Variants in PHPT1 observed in about 807,000 individuals in gnomAD.
PHPT1 encodes the protein phosphohistidine phosphatase 1.
A neutral mutation model predicts 15.6 loss-of-function variants in PHPT1; 16 were observed. The ratio of observed to expected loss-of-function variants is 1.03; its 90% confidence interval spans 0.70 to 1.56. The LOEUF (loss-of-function observed/expected upper bound fraction) is 1.56. PHPT1 is among the 40% of genes most tolerant of loss of function. The pLI, the probability that PHPT1 is intolerant of heterozygous loss-of-function variation, is 0.00. For missense variants in PHPT1, 228 were observed against 171.0 expected (o/e 1.33, Z -1.86); for synonymous variants, 102 against 68.1 (o/e 1.50, Z -2.45).
Position 136,850,043 on chromosome 9 carries a change from T to G in PHPT1, c.191T>G (p.Met64Arg). ...ATCTACGACAAAGTGTCGGGCGACA[T>G]GCAGAAGCAAGGCTGCGACTGTGAG... The part of the protein sequence containing the change: ...ADIYDKVSGD[M>R]QKQGCDCECL... The change falls in exon 2 of 3, where the codon ATG becomes AGG. Residue 64 changes from methionine to arginine, a missense_variant. By Grantham distance (91) the Met-to-Arg change is moderately conservative (BLOSUM62 -1). Coordinates refer to ENST00000247665, the MANE Select transcript of PHPT1 (RefSeq NM_014172.6). 6.2e-7 allele frequency: 1 copy of G among 1,612,988 alleles called. No individual in the cohort carries two copies. Among genetic ancestry groups the G allele is most frequent in the Non-Finnish European group, 8.5e-7 (1 of 1,179,826 alleles).
chr9:136,849,963 G>C (rs1013571863), intron 1 of PHPT1, 50 bp from the exon 2 acceptor site: 1 of 1,572,982 alleles, frequency 6.4e-7, no homozygotes, highest in Admixed American at 1.8e-5. Context: ...TTCCTCCCGC[G>C]GCCTCCAAGG....
Position 136,850,031 on chromosome 9 carries a change from T to C in PHPT1, c.179T>C (p.Val60Ala), listed in dbSNP as rs1201646450. Reference protein sequence around the residue: ...AEYHADIYDKVSGDMQKQGCD... With the variant: ...AEYHADIYDKASGDMQKQGCD... ...ATCCCAGCGGACATCTACGACAAAG[T>C]GTCGGGCGACATGCAGAAGCAAGGC... Residue 60 changes from valine to alanine, a missense_variant, in exon 2 of 3, where the codon GTG (valine) becomes GCG (alanine). Transcript: ENST00000247665. 3 of 1,612,656 alleles carry C rather than the reference T, an allele frequency of 1.9e-6. No homozygotes were observed. The highest frequency in any genetic ancestry group is 2.5e-6 in the Non-Finnish European group (3 of 1,179,760).
chr9:136,850,569 G>A (rs1468729703), intron 2 of PHPT1, 186 bp from the exon 3 acceptor site: 2 of 1,610,326 alleles, frequency 1.2e-6, no homozygotes, highest in African/African-American at 2.7e-5. Context: ...AGGTTTGCTT[G>A]CCTGTGGAGG....
chr9:136,849,995 G>T lies in PHPT1; in HGVS notation c.161-18G>T. On this transcript the variant is annotated intron_variant, in intron 1 of 2. Transcript: ENST00000247665. The stretch of plus-strand genomic sequence containing the variant: ...AAGGGCGGCCAGGGCACGTCCTGAG[G>T]CCGCCCTCCCATCCCAGCGGACATC... The T allele has an allele frequency of 6.2e-7, 1 of 1,604,108 alleles. No homozygotes were observed. Among genetic ancestry groups the T allele is most frequent in the Non-Finnish European group, 8.5e-7 (1 of 1,174,522 alleles).
rs757785995 is a variant in PHPT1 at position 136,850,000 on chromosome 9, C to T, written c.161-13C>T. 8.1e-6 allele frequency: 13 copies of T among 1,606,584 alleles called. No individual in the cohort carries two copies. In the Admixed American group the frequency reaches 2.2e-4, roughly 27 times the overall value. ...CGGCCAGGGCACGTCCTGAGGCCGC[C>T]CTCCCATCCCAGCGGACATCTACGA... is the stretch of plus-strand genomic sequence containing the variant. On this transcript the variant is annotated splice_polypyrimidine_tract_variant and intron_variant, in intron 1 of 2. Coordinates refer to ENST00000247665, the MANE Select transcript of PHPT1 (RefSeq NM_014172.6).
In PHPT1 at chr9:136,849,460, T is replaced by G; in HGVS notation, c.30T>G (p.Pro10=). 6.2e-7 allele frequency: 1 copy of G among 1,610,812 alleles called. No individual in the cohort carries two copies. The highest frequency in any genetic ancestry group is 1.1e-5 in the South Asian group (1 of 90,742). Residue 10 remains proline, a synonymous_variant, in exon 1 of 3, where the codon CCT becomes CCG. Transcript: ENST00000247665. ...CGGTGGCGGACCTCGCTCTCATTCC[T>G]GATGTGGACATCGACTCCGACGGCG... MAVADLALI[P]DVDIDSDGVF...
chr9:136,849,834 C>T (rs1290407439), intron 1 of PHPT1, 179 bp from the exon 2 acceptor site: 2 of 756,238 alleles, frequency 2.6e-6, no homozygotes, highest in Non-Finnish European at 4.3e-6. Context: ...CCAGTTCCCG[C>T]GCCCTCCCCG....
intron 2 of PHPT1, 94 bp downstream of exon 2, chr9:136,850,231 G>A: frequency 6.5e-7 from 1 of 1,537,272 alleles, no homozygotes; most frequent in Non-Finnish European, 8.9e-7. Flanking sequence ...CCCCAGCTGA[G>A]CACGCAGGCT....
At position 136,849,436 on chromosome 9, in the gene PHPT1, G is replaced by T; in HGVS notation, c.6G>T (p.Ala2=). The change falls in exon 1 of 3, where the codon GCG becomes GCT. Residue 2 remains alanine, a synonymous_variant. Transcript: ENST00000247665. The stretch of plus-strand genomic sequence containing the variant: ...GGGACTCCGGGAGGAGGAACATGGC[G>T]GTGGCGGACCTCGCTCTCATTCCTG... M[A]VADLALIPDV... 1.3e-6 allele frequency: 2 copies of T among 1,599,212 alleles called. No homozygotes were observed. Among genetic ancestry groups the T allele is most frequent in the South Asian group, 1.1e-5 (1 of 89,574 alleles).
rs967183779 is a variant in PHPT1 at position 136,849,994 on chromosome 9, G to T, written c.161-19G>T. The T allele has an allele frequency of 3.7e-6, 6 of 1,603,976 alleles. No individual in the cohort carries two copies. Among genetic ancestry groups the T allele is most frequent in the Non-Finnish European group, 5.1e-6 (6 of 1,174,454 alleles). ...CAAGGGCGGCCAGGGCACGTCCTGA[G>T]GCCGCCCTCCCATCCCAGCGGACAT... On this transcript the variant is annotated intron_variant, in intron 1 of 2. Transcript: ENST00000247665.
chr9:136,850,220 G>T lies in PHPT1; in HGVS notation c.285+83G>T, dbSNP rs111843280. 3,839 of 1,580,406 alleles carry T rather than the reference G, an allele frequency of 2.4e-3. 88 individuals are homozygous for T. The African/African-American group carries it at 0.045, about 18-fold the overall frequency. Reference sequence around the variant, plus strand: ...CCTGAGCCTGCTGCCCTGACCCGTGGCCCCAGCTGAGCACGCAGGCTTCCT... The same window carrying T: ...CCTGAGCCTGCTGCCCTGACCCGTGTCCCCAGCTGAGCACGCAGGCTTCCT... On this transcript the variant is annotated intron_variant, in intron 2 of 2. Transcript: ENST00000247665.
chr9:136,849,599 G>A lies in PHPT1; in HGVS notation c.160+9G>A. 1 of 1,552,932 alleles carries A rather than the reference G, an allele frequency of 6.4e-7. No individual in the cohort carries two copies. The highest frequency in any genetic ancestry group is 8.7e-7 in the Non-Finnish European group (1 of 1,153,128). ...GTGGGCTGAGTACCATGGTGAGGGC[G>A]GGACCTGCGGGCATGCCAGGGGCAC... On this transcript the variant is annotated intron_variant, in intron 1 of 2. Transcript: ENST00000247665.
In PHPT1 at chr9:136,850,133, C is replaced by T. The variant is rs778752180; in HGVS notation, c.281C>T (p.Ser94Phe). 15 of 1,612,912 alleles carry T rather than the reference C, an allele frequency of 9.3e-6. No homozygotes were observed. The highest frequency in any genetic ancestry group is 1.6e-4 in the Middle Eastern group (1 of 6,080). Reference protein sequence around the residue: ...QDKKIHVYGYSMAYGPAQHAI... With the variant: ...QDKKIHVYGYFMAYGPAQHAI... ...AAGAAGATTCACGTGTACGGCTATT[C>T]CATGGTGAGCCGCAGCCCCGTCCCG... Residue 94 changes from serine to phenylalanine, a missense_variant, in exon 2 of 3, where the codon TCC (serine) becomes TTC (phenylalanine). By Grantham distance (155) the Ser-to-Phe change is radical (BLOSUM62 -2). Coordinates refer to ENST00000247665, the MANE Select transcript of PHPT1 (RefSeq NM_014172.6).
rs776211003 is a variant in PHPT1, at chr9:136,849,507, G to C, written c.77G>C (p.Arg26Pro). 9 of 1,611,634 alleles carry C rather than the reference G, an allele frequency of 5.6e-6. No homozygotes were observed. In the South Asian group the frequency reaches 7.7e-5, roughly 14 times the overall value. Residue 26 changes from arginine (R) to proline (P), a missense_variant, in exon 1 of 3, where the codon CGA becomes CCA. Transcript: ENST00000247665. ...GGCGTCTTCAAGTATGTGCTGATCC[G>C]AGTCCACTCGGCTCCCCGCTCCGGG... is the stretch of plus-strand genomic sequence containing the variant. ...SDGVFKYVLI[R>P]VHSAPRSGAP...
chr9:136,850,386 G>C, intron 2 of PHPT1: 5 of 970,452 alleles, frequency 5.2e-6, no homozygotes, highest in Non-Finnish European at 6.3e-6. Context: ...CCCTGCCTTG[G>C]GAGGCCTTGC....
intron 2 of PHPT1, 86 bp downstream of exon 2, chr9:136,850,223 C>T (rs1848876001): frequency 3.8e-6 from 6 of 1,569,718 alleles, no homozygotes; most frequent in East Asian, 4.5e-5. Context: ...ACCCGTGGCC[C>T]CAGCTGAGCA....
rs767948348 is a variant in PHPT1, at chr9:136,850,956, G to C, written c.*109G>C. 7.1e-6 allele frequency: 6 copies of C among 840,122 alleles called. No individual in the cohort carries two copies. The East Asian group carries it at 1.2e-4, about 17-fold the overall frequency. The allele number at this position is 840,122 out of a possible 1,614,324, so 52.0% of individuals were successfully genotyped here. The stretch of plus-strand genomic sequence containing the variant: ...CTGCCTGCTCCTGCGGCAGCCTCTG[G>C]TGACGTGCTGTCCACCAGGCCTTGG... On this transcript the variant is annotated 3_prime_UTR_variant, in exon 3 of 3. Transcript: ENST00000247665.
At position 136,850,924 on chromosome 9, in the gene PHPT1, G is replaced by T. The variant is rs778575316; in HGVS notation, c.*77G>T. 9.0e-7 allele frequency: 1 copy of T among 1,107,188 alleles called. No homozygotes were observed. Among genetic ancestry groups the T allele is most frequent in the Admixed American group, 1.7e-5 (1 of 59,340 alleles). 68.6% of individuals were successfully genotyped at this position (1,107,188 alleles called of 1,614,324 possible). ...CCTTTGCCTGCACTCCTCTTGCAGG[G>T]CTGGCCCTGCCTGCTCCTGCGGCAG... On this transcript the variant is annotated 3_prime_UTR_variant, in exon 3 of 3. Coordinates refer to ENST00000247665, the MANE Select transcript of PHPT1 (RefSeq NM_014172.6).
In PHPT1 at chr9:136,849,452, C is replaced by T. The variant is rs765214168; in HGVS notation, c.22C>T (p.Leu8Phe). 1.2e-6 allele frequency: 2 copies of T among 1,607,504 alleles called. No individual in the cohort carries two copies. The highest frequency in any genetic ancestry group is 1.3e-5 in the African/African-American group (1 of 74,774). The change falls in exon 1 of 3, where the codon CTC becomes TTC. Residue 8 changes from leucine to phenylalanine, a missense_variant. Leu to Phe is a conservative substitution (Grantham distance 22). Coordinates refer to ENST00000247665, the MANE Select transcript of PHPT1 (RefSeq NM_014172.6). MAVADLA[L>F]IPDVDIDSDG... Reference sequence around the variant, plus strand: ...GAACATGGCGGTGGCGGACCTCGCTCTCATTCCTGATGTGGACATCGACTC... The same window carrying T: ...GAACATGGCGGTGGCGGACCTCGCTTTCATTCCTGATGTGGACATCGACTC...
Sources: allele counts gnomAD v4.1 joint callset, GRCh38; gene constraint gnomAD v4.1.1; transcripts MANE v1.5; gene names NCBI Gene and HGNC (gene_info 2026-07-23, HGNC 2026-07-21).